XRCC4: variants seen among roughly 807,000 people sequenced by gnomAD.
The protein encoded by XRCC4 is X-ray repair cross complementing 4.
Under a neutral mutation model 39.1 loss-of-function variants are expected in XRCC4, and 28 were observed. That is an observed-to-expected ratio of 0.72 (90% CI 0.53 to 0.98). XRCC4 has a LOEUF of 0.98. Ranked by LOEUF, XRCC4 falls within the 50% of genes least tolerant of loss-of-function variation. The probability of loss-of-function intolerance (pLI) is 0.00; values close to 1 mark genes in which losing one functional copy is unlikely to be tolerated. For synonymous variants in XRCC4, 123 were observed against 126.4 expected, an observed-to-expected ratio of 0.97 and a Z score of 0.18; for missense variants, 350 against 376.4, an observed-to-expected ratio of 0.93 and a Z score of 0.58.
chr5:83,168,062 A>G (rs1040442980), intron 3 of XRCC4, among the ~76,000 whole-genome samples: 1 of 152,180 alleles, frequency 6.6e-6, no homozygotes. Flanking sequence ...TGGTAGATAA[A>G]AATTATTAAA....
chr5:83,269,017 A>T (rs144763048), intron 7 of XRCC4, among the ~76,000 whole-genome samples: 3 of 152,192 alleles, frequency 2.0e-5, no homozygotes, highest in Non-Finnish European at 2.9e-5. Flanking sequence ...AGAGCATTTT[A>T]TCTGTTCTCA....
intron 7 of XRCC4, among the ~76,000 whole-genome samples, chr5:83,291,943 G>A (rs1453155723): frequency 8.5e-6 from 1 of 117,386 alleles, no homozygotes; most frequent in Non-Finnish European, 1.7e-5. Context: ...TATGTTATAT[G>A]TGTATTTCTG....
intron 3 of XRCC4, among the ~76,000 whole-genome samples, chr5:83,129,167 G>A (rs368031913): frequency 0.31 from 43,558 of 139,232 alleles, 7,766 homozygotes; most frequent in Non-Finnish European, 0.4. Flanking sequence ...GTGTAAGGAA[G>A]GGACCCAGTT....
In XRCC4 at chr5:83,136,211, T is replaced by C. The variant is rs370229601; in HGVS notation, c.315+25008T>C. 1.4e-4 allele frequency among the ~76,000 whole-genome samples: 22 copies of C among 152,332 alleles called. No individual in the cohort carries two copies. The South Asian group carries it at 2.1e-3, about 14-fold the overall frequency. On this transcript the variant is annotated intron_variant, in intron 3 of 7. Transcript: ENST00000396027. ...TGAATAATTTTGTGATTATATGTGGTATTTTAGCTTTGTGTGTCAAATACA... is the reference window on the plus strand; with the variant it reads ...TGAATAATTTTGTGATTATATGTGGCATTTTAGCTTTGTGTGTCAAATACA...
intron 7 of XRCC4, among the ~76,000 whole-genome samples, chr5:83,321,264 A>G (rs1187480549): frequency 6.6e-6 from 1 of 152,194 alleles, no homozygotes; most frequent in African/African-American, 2.4e-5. Flanking sequence ...ATGTATGCAA[A>G]GTGTGTCTGT....
At chr5:83,147,709 A>G (rs547647262) in intron 3 of XRCC4, among the ~76,000 whole-genome samples, 1 of 152,120 alleles carries the variant, frequency 6.6e-6, no homozygotes, top group Non-Finnish European at 1.5e-5. Context: ...AAGTGTTGTC[A>G]CCACAAAAAA....
chr5:83,322,911 C>T lies in XRCC4; in HGVS notation c.894-30220C>T, dbSNP rs532754663. On this transcript the variant is annotated intron_variant, in intron 7 of 7. Coordinates refer to ENST00000396027, the MANE Select transcript of XRCC4 (RefSeq NM_003401.5). Reference sequence around the variant, plus strand: ...GAGAATAAATGTGTGTTGTTTTAAACAACCAAGTTTGGGTAATTTGTCACA... The same window carrying T: ...GAGAATAAATGTGTGTTGTTTTAAATAACCAAGTTTGGGTAATTTGTCACA... 6.6e-5 allele frequency among the ~76,000 whole-genome samples: 10 copies of T among 152,254 alleles called. No homozygotes were observed. The South Asian group carries it at 2.1e-3, about 32-fold the overall frequency.
chr5:83,091,468 T>C (rs1745425389), intron 1 of XRCC4, among the ~76,000 whole-genome samples: 1 of 152,172 alleles, frequency 6.6e-6, no homozygotes, highest in Admixed American at 6.5e-5. Context: ...GGGATTACAA[T>C]TCGAGATGAG....
chr5:83,350,883 T>A (rs1202308338), intron 7 of XRCC4, among the ~76,000 whole-genome samples: 1 of 152,132 alleles, frequency 6.6e-6, no homozygotes, highest in African/African-American at 2.4e-5. Flanking sequence ...TTCTTCTAAG[T>A]TTTTTATAGT....
chr5:83,269,594 A>G (rs1240850192), intron 7 of XRCC4, among the ~76,000 whole-genome samples: 1 of 151,512 alleles, frequency 6.6e-6, no homozygotes, highest in African/African-American at 2.4e-5. Flanking sequence ...AAATAACCTG[A>G]AATTGGGAAT....
chr5:83,316,733 G>C (rs1457956232), intron 7 of XRCC4, among the ~76,000 whole-genome samples: 2 of 125,884 alleles, frequency 1.6e-5, no homozygotes, highest in Non-Finnish European at 1.6e-5. Flanking sequence ...AAGAGACTTA[G>C]ACTCCCACAC....
At chr5:83,090,127 C>G (rs1745354904) in intron 1 of XRCC4, among the ~76,000 whole-genome samples, 1 of 152,142 alleles carries the variant, frequency 6.6e-6, no homozygotes, top group Non-Finnish European at 1.5e-5. Flanking sequence ...TCATAGCTCA[C>G]TGTAATGTCA....
chr5:83,181,083 G>A (rs1378314113), intron 3 of XRCC4, among the ~76,000 whole-genome samples: 1 of 136,090 alleles, frequency 7.3e-6, no homozygotes, highest in Admixed American at 7.4e-5. Context: ...TCTATTTATC[G>A]CGAAGGTTCT....
intron 7 of XRCC4, among the ~76,000 whole-genome samples, chr5:83,273,919 G>A (rs758663622): frequency 6.0e-5 from 9 of 150,538 alleles, no homozygotes; most frequent in African/African-American, 9.8e-5. Context: ...TTTTTGTTCC[G>A]TGTGGCCGTT....
At position 83,111,023 on chromosome 5, in the gene XRCC4, C is replaced by T. The variant is rs1422168525; in HGVS notation, c.140-5C>T. On this transcript the variant is annotated splice_polypyrimidine_tract_variant and splice_region_variant and intron_variant, in intron 2 of 7. Transcript: ENST00000396027. ...TTTTAAAACTTTTGTTAATATTTCC[C>T]ATAGTTTCTGAATCAGAGATTTCCC... The T allele has an allele frequency of 2.5e-6, 4 of 1,599,512 alleles. No homozygotes were observed. Among genetic ancestry groups the T allele is most frequent in the East Asian group, 2.3e-5 (1 of 44,362 alleles).
intron 3 of XRCC4, among the ~76,000 whole-genome samples, chr5:83,167,190 G>A (rs1385472537): frequency 6.6e-6 from 1 of 151,468 alleles, no homozygotes; most frequent in Non-Finnish European, 1.5e-5. Flanking sequence ...CCCTCATTAT[G>A]GTTTTGATTT....
chr5:83,221,560 T>A (rs1208192573), intron 6 of XRCC4, among the ~76,000 whole-genome samples: 1 of 152,088 alleles, frequency 6.6e-6, no homozygotes, highest in Non-Finnish European at 1.5e-5. Context: ...TGCCTTCATT[T>A]TAATAAAATA....
At chr5:83,292,912 G>A (rs770231255) in intron 7 of XRCC4, among the ~76,000 whole-genome samples, 16 of 151,866 alleles carry the variant, frequency 1.1e-4, no homozygotes, top group Non-Finnish European at 2.2e-4. Flanking sequence ...TAATCTTATA[G>A]ATGTGATGAC....
At chr5:83,108,592 C>G (rs1161562110) in intron 2 of XRCC4, among the ~76,000 whole-genome samples, 1 of 151,784 alleles carries the variant, frequency 6.6e-6, no homozygotes, top group African/African-American at 2.4e-5. Flanking sequence ...TATTTTCAGA[C>G]AGGTATCTTT....
Sources: allele counts gnomAD v4.1 joint callset (sites outside exome capture counted in the v4.1 genomes callset), GRCh38; gene constraint gnomAD v4.1.1; transcripts MANE v1.5; gene names NCBI Gene and HGNC (gene_info 2026-07-23, HGNC 2026-07-21).